KIAA0586: variants seen among roughly 807,000 people sequenced by gnomAD.
The protein encoded by KIAA0586 is KIAA0586, also known as protein TALPID3.
In KIAA0586, 144 loss-of-function variants were observed where a neutral mutation model predicts 169.8. That is an observed-to-expected ratio of 0.85 (90% CI 0.74 to 0.97). The LOEUF is 0.97. Ranked by LOEUF, KIAA0586 falls within the 50% of genes least tolerant of loss-of-function variation. The probability of loss-of-function intolerance (pLI) is 0.00; values close to 1 mark genes in which losing one functional copy is unlikely to be tolerated. For missense variants in KIAA0586, 1,854 were observed against 1,823.0 expected (o/e 1.02, Z -0.31); for synonymous variants, 625 against 612.4 (o/e 1.02, Z -0.30).
intron 26 of KIAA0586, among the ~76,000 whole-genome samples, chr14:58,496,382 A>G (rs1336422969): frequency 6.6e-6 from 1 of 152,256 alleles, no homozygotes; most frequent in Non-Finnish European, 1.5e-5. Flanking sequence ...CAAATATCCT[A>G]GAAAACAGAT....
chr14:58,444,731 TA>T (rs1428885653), intron 6 of KIAA0586, among the ~76,000 whole-genome samples: 1 of 151,982 alleles, frequency 6.6e-6, no homozygotes, highest in Non-Finnish European at 1.5e-5. Context: ...GCCATATTTT[TA>T]AGTGCTTATA....
chr14:58,534,566 G>T (rs930432983), intron 29 of KIAA0586, among the ~76,000 whole-genome samples: 30 of 152,118 alleles, frequency 2.0e-4, no homozygotes, highest in African/African-American at 7.0e-4. Flanking sequence ...AAGTATCCTA[G>T]ATAGTAAGCC....
Position 58,526,268 on chromosome 14 carries a change from C to T in KIAA0586, c.4429+13641C>T, listed in dbSNP as rs192146241. ...ACCCCCATGCCTCCTGACTGGGAGA[C>T]ACCTCCTAGCAGGGGTTGACAGACA... On this transcript the variant is annotated intron_variant, in intron 29 of 30. Transcript: ENST00000652326. Among the ~76,000 whole-genome samples the T allele has an allele frequency of 3.2e-4, 48 of 152,292 alleles. No homozygotes were observed. In the East Asian group the frequency reaches 8.5e-3, roughly 27 times the overall value.
chr14:58,524,725 A>G (rs952287285), intron 29 of KIAA0586, among the ~76,000 whole-genome samples: 50 of 152,240 alleles, frequency 3.3e-4, no homozygotes, highest in African/African-American at 1.2e-3. Context: ...GTAATTAAAG[A>G]CATAAAATAC....
In KIAA0586 at chr14:58,427,930, C is replaced by A; in HGVS notation, c.-335C>A. On this transcript the variant is annotated 5_prime_UTR_variant, in exon 1 of 31. Transcript: ENST00000652326. ...GCCTCTTCTCAACAAATTTTAAGCC[C>A]GCCACTACATGTGTTTGGTTTTGCC... 1 of 1,370,404 alleles carries A rather than the reference C, an allele frequency of 7.3e-7. No homozygotes were observed. Among genetic ancestry groups the A allele is most frequent in the Non-Finnish European group, 9.5e-7 (1 of 1,048,124 alleles). The allele number at this position is 1,370,404 out of a possible 1,614,324, so 84.9% of individuals were successfully genotyped here. A position where few individuals can be genotyped will look rare whatever the true frequency, so the allele number is the denominator to read the frequency against.
At chr14:58,478,996 A>T (rs182656916) in intron 20 of KIAA0586, among the ~76,000 whole-genome samples, 1 of 152,242 alleles carries the variant, frequency 6.6e-6, no homozygotes, top group Non-Finnish European at 1.5e-5. Context: ...GGCTATTATG[A>T]ATAAAGCTGC....
chr14:58,541,379 G>C (rs1232028028), intron 30 of KIAA0586, among the ~76,000 whole-genome samples: 1 of 152,214 alleles, frequency 6.6e-6, no homozygotes, highest in East Asian at 1.9e-4. Flanking sequence ...TACTTACTGT[G>C]TACCTGCTAT....
chr14:58,539,817 T>C, intron 29 of KIAA0586: 1 of 297,276 alleles, frequency 3.4e-6, no homozygotes, highest in East Asian at 5.8e-5. Context: ...CTCATGACCC[T>C]TTGCTTCCCC....
chr14:58,478,389 A>G (rs1283025020), intron 20 of KIAA0586, among the ~76,000 whole-genome samples: 2 of 152,214 alleles, frequency 1.3e-5, no homozygotes, highest in Non-Finnish European at 2.9e-5. Flanking sequence ...AGGCTGAGAC[A>G]GGAGAATTGC....
intron 24 of KIAA0586, among the ~76,000 whole-genome samples, 199 bp downstream of exon 24, chr14:58,489,073 T>C (rs2042661138): frequency 6.6e-6 from 1 of 152,126 alleles, no homozygotes; most frequent in Non-Finnish European, 1.5e-5. Context: ...AATCCCACCC[T>C]CCAGAAATAA....
intron 30 of KIAA0586, among the ~76,000 whole-genome samples, chr14:58,546,570 TG>T (rs2046998643): frequency 6.6e-6 from 1 of 152,248 alleles, no homozygotes; most frequent in Non-Finnish European, 1.5e-5. Context: ...CTTATGTCTA[TG>T]GTAAATCCAT....
chr14:58,480,964 GC>G (rs1406546988), intron 20 of KIAA0586, among the ~76,000 whole-genome samples: 2 of 152,140 alleles, frequency 1.3e-5, no homozygotes, highest in Non-Finnish European at 2.9e-5. Context: ...CTTTTGTTTT[GC>G]CAGTGTCTGG....
chr14:58,480,113 A>G (rs900339556), intron 20 of KIAA0586, among the ~76,000 whole-genome samples: 1 of 151,862 alleles, frequency 6.6e-6, no homozygotes, highest in Admixed American at 6.6e-5. Context: ...TATATTCACC[A>G]CTTTAATTTC....
chr14:58,487,452 A>C (rs1020100576), intron 22 of KIAA0586, among the ~76,000 whole-genome samples: 1 of 152,078 alleles, frequency 6.6e-6, no homozygotes, highest in African/African-American at 2.4e-5. Flanking sequence ...CTAAAAGTAC[A>C]AAAATTAGCC....
Position 58,429,437 on chromosome 14 carries a change from A to C in KIAA0586, c.270+4A>C, listed in dbSNP as rs768886373. On this transcript the variant is annotated splice_donor_region_variant and intron_variant, in intron 2 of 30. Coordinates refer to ENST00000652326, the MANE Select transcript of KIAA0586 (RefSeq NM_001329943.3). ...AAATCCCATGGTGTCAGAAAGTGTA[A>C]GCAAAAGGATTCTTAATTATGCTCA... 16 of 1,531,986 alleles carry C rather than the reference A, an allele frequency of 1.0e-5. No homozygotes were observed. The highest frequency in any genetic ancestry group is 1.3e-5 in the Non-Finnish European group (14 of 1,106,164). 94.9% of individuals were successfully genotyped at this position (1,531,986 alleles called of 1,614,324 possible).
At chr14:58,432,884 T>C (rs2140427333) in intron 4 of KIAA0586, among the ~76,000 whole-genome samples, 1 of 152,046 alleles carries the variant, frequency 6.6e-6, no homozygotes, top group Non-Finnish European at 1.5e-5. Context: ...GCCCAGCTAA[T>C]TTTTGTATAT....
intron 3 of KIAA0586, 43 bp downstream of exon 3, chr14:58,430,760 A>G (rs2037296591): frequency 8.9e-7 from 1 of 1,121,846 alleles, no homozygotes; most frequent in African/African-American, 1.6e-5. Context: ...GACAACATAT[A>G]CATAACATAA....
At position 58,450,603 on chromosome 14, in the gene KIAA0586, C is replaced by G. The variant is rs747277541; in HGVS notation, c.986C>G (p.Thr329Arg). 1 of 1,606,696 alleles carries G rather than the reference C, an allele frequency of 6.2e-7. No individual in the cohort carries two copies. Among genetic ancestry groups the G allele is most frequent in the Non-Finnish European group, 8.5e-7 (1 of 1,177,340 alleles). ...GCACCTTTAAAAGAAGTTGAAGATA[C>G]GAGTTTTGATAAACAGAAATCTCCT... is the stretch of plus-strand genomic sequence containing the variant. ...KQAPLKEVEDTSFDKQKSPLE... is the reference protein window; with the variant it reads ...KQAPLKEVEDRSFDKQKSPLE... The change falls in exon 8 of 31, where the codon ACG becomes AGG. Residue 329 changes from threonine to arginine, a missense_variant. Physicochemically the swap from Thr to Arg is moderately conservative, Grantham distance 71. Transcript: ENST00000652326.
intron 17 of KIAA0586, 59 bp downstream of exon 17, chr14:58,470,782 A>T: frequency 1.3e-6 from 1 of 788,080 alleles, no homozygotes; most frequent in Non-Finnish European, 2.2e-6. Flanking sequence ...GATTTTAACT[A>T]ATTACTCCAT....
Sources: allele counts gnomAD v4.1 joint callset (sites outside exome capture counted in the v4.1 genomes callset), GRCh38; gene constraint gnomAD v4.1.1; transcripts MANE v1.5; gene names NCBI Gene and HGNC (gene_info 2026-07-23, HGNC 2026-07-21).